NRAP: variants seen among roughly 807,000 people sequenced by gnomAD.
The protein encoded by NRAP is nebulin related anchoring protein.
NRAP carries 189 observed loss-of-function variants against 225.9 expected under a neutral mutation model. The observed-to-expected ratio is 0.84, with a 90% CI of 0.74 to 0.94. The LOEUF (loss-of-function observed/expected upper bound fraction) is 0.94, where lower values mean the gene tolerates loss of function less well. Ranked by LOEUF, NRAP falls within the 40% of genes least tolerant of loss-of-function variation. The pLI, the probability that NRAP is intolerant of heterozygous loss-of-function variation, is 0.00. For synonymous variants in NRAP, 769 were observed against 790.7 expected (o/e 0.97, Z 0.46); for missense variants, 2,176 against 2,168.7 (o/e 1.00, Z -0.07).
Position 113,664,015 on chromosome 10 carries a change from A to G in NRAP, c.-133T>C. 2 of 682,330 alleles carry G rather than the reference A, an allele frequency of 2.9e-6. No homozygotes were observed. The highest frequency in any genetic ancestry group is 1.7e-5 in the South Asian group (1 of 58,536). The allele number at this position is 682,330 out of a possible 1,614,324, so 42.3% of individuals were successfully genotyped here. A position where few individuals can be genotyped will look rare whatever the true frequency, so the allele number is the denominator to read the frequency against. On this transcript the variant is annotated 5_prime_UTR_variant, in exon 1 of 42. Coordinates refer to ENST00000359988, the MANE Select transcript of NRAP (RefSeq NM_198060.4). ...GGGCACCTCGATCTTTCAGAATCCA[A>G]CTTCCACTTTCCTTTGCTGACCTTC...
chr10:113,629,186 G>A (rs1041701391), intron 19 of NRAP, among the ~76,000 whole-genome samples, 165 bp from the exon 20 acceptor site: 2 of 152,160 alleles, frequency 1.3e-5, no homozygotes, highest in Non-Finnish European at 2.9e-5. Context: ...TACAGCCACC[G>A]GGCCCACCTT....
Position 113,604,660 on chromosome 10 carries a change from G to C in NRAP, c.4176C>G (p.Pro1392=). 1 of 1,614,156 alleles carries C rather than the reference G, an allele frequency of 6.2e-7. No homozygotes were observed. Among genetic ancestry groups the C allele is most frequent in the Non-Finnish European group, 8.5e-7 (1 of 1,180,034 alleles). The change falls in exon 35 of 42, where the codon CCC becomes CCG. Residue 1392 remains proline (P), a synonymous_variant. Transcript: ENST00000359988. ...RTQYHKFTAL[P]EDLKMAWAKK... ...TGGCCCAGGCCATCTTCAGGTCCTC[G>C]GGCAGTGCTGTGAACTTGTGATACT...
chr10:113,592,817 T>A (rs1846068621), intron 38 of NRAP, among the ~76,000 whole-genome samples: 1 of 152,210 alleles, frequency 6.6e-6, no homozygotes, highest in African/African-American at 2.4e-5. Context: ...CTGCATCTCA[T>A]ATACACCCCT....
chr10:113,617,707 T>G (rs1481578139), intron 25 of NRAP, among the ~76,000 whole-genome samples, 154 bp from the exon 26 acceptor site: 3 of 152,158 alleles, frequency 2.0e-5, no homozygotes, highest in Non-Finnish European at 4.4e-5. Flanking sequence ...TGCCTTCAGG[T>G]TAATATTTGT....
intron 3 of NRAP, among the ~76,000 whole-genome samples, chr10:113,658,873 C>A (rs545821305): frequency 2.1e-5 from 3 of 141,212 alleles, no homozygotes; most frequent in South Asian, 4.4e-4. Flanking sequence ...CAGAGTGAGA[C>A]CCTGTCTCAA....
At chr10:113,622,205 A>G in intron 23 of NRAP, 25 bp from the exon 24 acceptor site, 1 of 1,529,612 alleles carries the variant, frequency 6.5e-7, no homozygotes, top group South Asian at 1.1e-5. Flanking sequence ...TAGAGCAGGG[A>G]TACATTAGAA....
rs1440215795 is a variant in NRAP, at chr10:113,595,685, T to C, written c.4474A>G (p.Thr1492Ala). The change falls in exon 38 of 42, where the codon ACC becomes GCC. Residue 1492 changes from threonine (T) to alanine (A), a missense_variant. Around this residue, in one of 3 missense-constraint regions of NRAP, gnomAD observed 445 missense variants for 426.1 expected, o/e 1.04. Coordinates refer to ENST00000359988, the MANE Select transcript of NRAP (RefSeq NM_198060.4). ...SGDAESLHRY[T>A]LIPDHPDFTR... ...AAATCGGGATGGTCGGGGATCAGGGTGTATCTGTGCAGGGATTCTGCATCT... is the reference window on the plus strand; with the variant it reads ...AAATCGGGATGGTCGGGGATCAGGGCGTATCTGTGCAGGGATTCTGCATCT... 1.9e-6 allele frequency: 3 copies of C among 1,613,812 alleles called. No individual in the cohort carries two copies. The highest frequency in any genetic ancestry group is 2.5e-6 in the Non-Finnish European group (3 of 1,179,874).
chr10:113,632,834 G>GT (rs1564737971), intron 16 of NRAP, among the ~76,000 whole-genome samples: 3 of 151,842 alleles, frequency 2.0e-5, no homozygotes, highest in African/African-American at 4.8e-5. Flanking sequence ...CATGTAGGGG[G>GT]GTGTGTGTGT....
intron 14 of NRAP, among the ~76,000 whole-genome samples, chr10:113,636,547 T>A (rs867640742): frequency 6.6e-6 from 1 of 152,206 alleles, no homozygotes; most frequent in Non-Finnish European, 1.5e-5. Flanking sequence ...GAGAGGACTA[T>A]GGCAAAGAGA....
intron 28 of NRAP, 143 bp from the exon 29 acceptor site, chr10:113,614,439 G>A (rs544963728): frequency 1.5e-6 from 1 of 652,070 alleles, no homozygotes; most frequent in Admixed American, 2.4e-5. Flanking sequence ...TCGTCAAAAG[G>A]GCTATTCTTT....
chr10:113,618,272 A>C (rs186670463), intron 25 of NRAP, among the ~76,000 whole-genome samples: 86 of 152,328 alleles, frequency 5.6e-4, no homozygotes, highest in African/African-American at 2.0e-3. Flanking sequence ...GGAGACAGAA[A>C]CCATAATTAC....
chr10:113,648,217 T>C (rs1396737443), intron 9 of NRAP, among the ~76,000 whole-genome samples: 1 of 152,082 alleles, frequency 6.6e-6, no homozygotes, highest in Non-Finnish European at 1.5e-5. Context: ...TAAAATAAAA[T>C]AGTTGGGTCA....
At chr10:113,657,890 C>T (rs1367094720) in intron 3 of NRAP, among the ~76,000 whole-genome samples, 1 of 152,184 alleles carries the variant, frequency 6.6e-6, no homozygotes, top group Non-Finnish European at 1.5e-5. Context: ...CATTAGAGTA[C>T]TGGTTCTTAA....
At position 113,629,694 on chromosome 10, in the gene NRAP, G is replaced by A. The variant is rs1357616748; in HGVS notation, c.1934C>T (p.Thr645Ile). The A allele has an allele frequency of 1.2e-6, 2 of 1,613,720 alleles. No individual in the cohort carries two copies. Among genetic ancestry groups the A allele is most frequent in the Non-Finnish European group, 8.5e-7 (1 of 1,179,696 alleles). ...CCTGTAGTCCAGGTCACTGGCGAGA[G>A]TTTGGGCCTTCTTAGCATGCCTGAT... ...VNIRHAKKAQ[T>I]LASDLDYRKK... is the part of the protein sequence containing the mutation. Residue 645 changes from threonine to isoleucine, a missense_variant, in exon 19 of 42, where the codon ACT becomes ATT. Around this residue, in one of 3 missense-constraint regions of NRAP, gnomAD observed 1,708 missense variants for 1,695.5 expected, o/e 1.01. Transcript: ENST00000359988.
rs140427143 is a variant in NRAP, at chr10:113,641,641, G to A, written c.1216-169C>T. Among the ~76,000 whole-genome samples the A allele has an allele frequency of 2.8e-3, 429 of 152,154 alleles. 2 individuals are homozygous for A. The highest frequency in any genetic ancestry group is 9.4e-3 in the African/African-American group (391 of 41,502). On this transcript the variant is annotated intron_variant, in intron 12 of 41. Transcript: ENST00000359988. Reference sequence around the variant, plus strand: ...ATAAGGCAAACTTTTTTTTAATAACGTAAATTTCAACCCATCACAAGAAGT... The same window carrying A: ...ATAAGGCAAACTTTTTTTTAATAACATAAATTTCAACCCATCACAAGAAGT...
At chr10:113,593,692 T>C (rs1846122281) in intron 38 of NRAP, among the ~76,000 whole-genome samples, 1 of 152,242 alleles carries the variant, frequency 6.6e-6, no homozygotes, top group African/African-American at 2.4e-5. Flanking sequence ...TGATCCTCTG[T>C]AGCATTCTGC....
intron 26 of NRAP, among the ~76,000 whole-genome samples, chr10:113,616,743 A>C (rs1305101039): frequency 2.6e-5 from 4 of 152,192 alleles, no homozygotes; most frequent in African/African-American, 9.7e-5. Context: ...TTCCCCATGG[A>C]AAGTTGAATG....
chr10:113,636,416 T>A (rs1377601542), intron 14 of NRAP, among the ~76,000 whole-genome samples: 1 of 152,190 alleles, frequency 6.6e-6, no homozygotes, highest in African/African-American at 2.4e-5. Context: ...CTCCCTGAGA[T>A]GACAGCCCAC....
At position 113,608,459 on chromosome 10, in the gene NRAP, A is replaced by G. The variant is rs1401087339; in HGVS notation, c.3657T>C (p.Thr1219=). ...HSFKYTAVTD[T]PNLLHAKFSN... is the part of the protein sequence containing the mutation. ...TGAATTTCGCATGAAGGAGGTTGGGAGTGTCTGTCACAGCTGTGTACTTGA... is the reference window on the plus strand; with the variant it reads ...TGAATTTCGCATGAAGGAGGTTGGGGGTGTCTGTCACAGCTGTGTACTTGA... The change falls in exon 32 of 42, where the codon ACT becomes ACC. Residue 1219 remains threonine, a synonymous_variant. Coordinates refer to ENST00000359988, the MANE Select transcript of NRAP (RefSeq NM_198060.4). The G allele has an allele frequency of 6.2e-7, 1 of 1,613,412 alleles. No homozygotes were observed. The highest frequency in any genetic ancestry group is 1.1e-5 in the South Asian group (1 of 91,018).
Sources: gnomAD v4.1 joint callset for allele counts (sites outside exome capture counted in the v4.1 genomes callset) on GRCh38, gnomAD v4.1.1 for gene constraint, gnomAD v4.1.1 regional missense constraint, MANE v1.5 for transcripts, NCBI Gene and HGNC (gene_info 2026-07-23, HGNC 2026-07-21) for gene names.